CCBE1: variants seen among roughly 807,000 people sequenced by gnomAD.
CCBE1 encodes the protein collagen and calcium-binding EGF domain-containing protein 1.
In CCBE1, 37 loss-of-function variants were observed where a neutral mutation model predicts 50.0. The ratio of observed to expected loss-of-function variants is 0.74; its 90% CI spans 0.57 to 0.97. CCBE1 has a LOEUF of 0.97. Ranked by LOEUF, CCBE1 falls within the 50% of genes least tolerant of loss-of-function variation. The probability of loss-of-function intolerance (pLI) is 0.00; values close to 1 mark genes in which losing one functional copy is unlikely to be tolerated. For synonymous variants in CCBE1, 234 were observed against 203.7 expected (o/e 1.15, Z -1.27); for missense variants, 538 against 523.8 (o/e 1.03, Z -0.26).
chr18:59,562,662 G>A (rs1311569842), intron 2 of CCBE1, among the ~76,000 whole-genome samples: 1 of 152,186 alleles, frequency 6.6e-6, no homozygotes, highest in Non-Finnish European at 1.5e-5. Context: ...TTTGTTACCT[G>A]TTACTCCCTG....
rs575113133 is a variant in CCBE1, at chr18:59,569,740, T to C, written c.213-89502A>G. Among the ~76,000 whole-genome samples, 6 of 152,140 alleles carry C rather than the reference T, an allele frequency of 3.9e-5. No individual in the cohort carries two copies. In the South Asian group the frequency reaches 1.2e-3, roughly 32 times the overall value. On this transcript the variant is annotated intron_variant, in intron 2 of 10. Coordinates refer to ENST00000439986, the MANE Select transcript of CCBE1 (RefSeq NM_133459.4). ...GCTTCAAACTCCCAGGCTCAAGCCA[T>C]CCTCCCACCTCAGTCTCCTAAGTAG...
At chr18:59,541,434 G>A (rs1331712214) in intron 2 of CCBE1, among the ~76,000 whole-genome samples, 1 of 152,174 alleles carries the variant, frequency 6.6e-6, no homozygotes, top group Non-Finnish European at 1.5e-5. Context: ...CAGAGATACA[G>A]GGATCATTTG....
chr18:59,650,972 T>C (rs1427653988), intron 2 of CCBE1, among the ~76,000 whole-genome samples: 1 of 152,076 alleles, frequency 6.6e-6, no homozygotes, highest in Non-Finnish European at 1.5e-5. Context: ...TGGCATAGCC[T>C]GAGAAACTCC....
At chr18:59,531,118 T>C (rs931148601) in intron 2 of CCBE1, among the ~76,000 whole-genome samples, 12 of 152,146 alleles carry the variant, frequency 7.9e-5, no homozygotes, top group Non-Finnish European at 4.4e-5. Flanking sequence ...GAGTACTCCA[T>C]GTTTTTCCAG....
At chr18:59,512,930 C>A (rs1914196210) in intron 2 of CCBE1, among the ~76,000 whole-genome samples, 1 of 152,162 alleles carries the variant, frequency 6.6e-6, no homozygotes, top group South Asian at 2.1e-4. Context: ...CATCAGAGCA[C>A]CTCTACGACA....
At chr18:59,688,486 G>A (rs1298536766) in intron 2 of CCBE1, 1 of 152,216 alleles carries the variant, frequency 6.6e-6, no homozygotes, top group Non-Finnish European at 1.5e-5. Flanking sequence ...ATGTTGAAAT[G>A]TATGGAGAGG....
intron 2 of CCBE1, among the ~76,000 whole-genome samples, chr18:59,694,712 C>G (rs1250589280): frequency 6.6e-6 from 1 of 152,152 alleles, no homozygotes; most frequent in Non-Finnish European, 1.5e-5. Context: ...AAATAATATC[C>G]TCTATTCTTG....
At chr18:59,464,530 A>T (rs1217543757) in intron 5 of CCBE1, among the ~76,000 whole-genome samples, 7 of 152,136 alleles carry the variant, frequency 4.6e-5, no homozygotes, top group Admixed American at 4.6e-4. Context: ...CCCTATGAAC[A>T]CCCCTGGGCA....
intron 2 of CCBE1, among the ~76,000 whole-genome samples, chr18:59,625,476 T>C (rs2053771900): frequency 6.6e-6 from 1 of 150,764 alleles, no homozygotes; most frequent in South Asian, 2.1e-4. Flanking sequence ...TACTGATGCT[T>C]GCAGGGACTT....
chr18:59,448,208 A>G (rs1466712987), intron 6 of CCBE1, 105 bp from the exon 7 acceptor site: 3 of 1,509,676 alleles, frequency 2.0e-6, no homozygotes, highest in Admixed American at 3.7e-5. Context: ...AGACATATGT[A>G]TATACTTTTT....
intron 2 of CCBE1, among the ~76,000 whole-genome samples, chr18:59,562,982 T>C (rs1454911676): frequency 1.3e-5 from 2 of 152,234 alleles, no homozygotes; most frequent in Non-Finnish European, 2.9e-5. Flanking sequence ...ACGGATTGCT[T>C]AAGCCCAAAA....
At chr18:59,664,669 C>T (rs887648124) in intron 2 of CCBE1, among the ~76,000 whole-genome samples, 1 of 152,070 alleles carries the variant, frequency 6.6e-6, no homozygotes, top group Non-Finnish European at 1.5e-5. Flanking sequence ...GACCCTCTAC[C>T]GATCTGTCTC....
At chr18:59,484,085 T>C (rs1460349265) in intron 2 of CCBE1, among the ~76,000 whole-genome samples, 1 of 152,248 alleles carries the variant, frequency 6.6e-6, no homozygotes, top group Non-Finnish European at 1.5e-5. Flanking sequence ...TCCACCTTTA[T>C]ATTGCATGAA....
chr18:59,501,337 T>C (rs962152030), intron 2 of CCBE1, among the ~76,000 whole-genome samples: 3 of 152,170 alleles, frequency 2.0e-5, no homozygotes, highest in African/African-American at 4.8e-5. Flanking sequence ...ACCAGGCTTG[T>C]GGTTCCCAAA....
intron 2 of CCBE1, among the ~76,000 whole-genome samples, chr18:59,560,203 T>C (rs1025056498): frequency 2.6e-5 from 4 of 152,220 alleles, no homozygotes; most frequent in Admixed American, 6.5e-5. Context: ...TGGATGTGCA[T>C]GTAACCACAG....
intron 2 of CCBE1, among the ~76,000 whole-genome samples, chr18:59,617,252 T>C (rs1236357978): frequency 6.6e-6 from 1 of 152,232 alleles, no homozygotes; most frequent in Non-Finnish European, 1.5e-5. Context: ...CATGTTTCTT[T>C]TGCACGTCCC....
chr18:59,657,810 G>A (rs192304146), intron 2 of CCBE1, among the ~76,000 whole-genome samples: 5 of 152,260 alleles, frequency 3.3e-5, no homozygotes, highest in Admixed American at 6.5e-5. Flanking sequence ...GAAATCGCTC[G>A]AACCCGGGAG....
chr18:59,458,170 A>ATTCATCCT (rs1911290402), intron 5 of CCBE1, among the ~76,000 whole-genome samples: 1 of 150,380 alleles, frequency 6.6e-6, no homozygotes, highest in African/African-American at 2.4e-5. Flanking sequence ...CCAACCATCC[A>ATTCATCCT]TCCATCCTTC....
At chr18:59,495,433 A>G (rs1232638349) in intron 2 of CCBE1, among the ~76,000 whole-genome samples, 1 of 145,394 alleles carries the variant, frequency 6.9e-6, no homozygotes, top group African/African-American at 2.6e-5. Context: ...ACAGAGGTTC[A>G]AAATAGGAAA....
Sources: allele counts gnomAD v4.1 joint callset (sites outside exome capture counted in the v4.1 genomes callset), GRCh38; gene constraint gnomAD v4.1.1; transcripts MANE v1.5; gene names NCBI Gene and HGNC (gene_info 2026-07-23, HGNC 2026-07-21).